SLC25A48: variants seen among roughly 807,000 people sequenced by gnomAD.
The protein encoded by SLC25A48 is CTC-321K16.1.
In SLC25A48, 29 loss-of-function variants were observed where a neutral mutation model predicts 32.2. The ratio of observed to expected loss-of-function variants is 0.90; its 90% CI spans 0.67 to 1.23. The LOEUF (loss-of-function observed/expected upper bound fraction) is 1.23, where lower values mean the gene tolerates loss of function less well. Ranked by LOEUF, SLC25A48 falls within the 50% of genes most tolerant of loss-of-function variation. SLC25A48 has a pLI of 0.00. For synonymous variants in SLC25A48, 164 were observed against 172.3 expected (o/e 0.95, Z 0.38); for missense variants, 399 against 422.7 (o/e 0.94, Z 0.49).
At chr5:135,605,343 G>A (rs527853310) in intron 1 of SLC25A48, among the ~76,000 whole-genome samples, 4 of 152,186 alleles carry the variant, frequency 2.6e-5, no homozygotes, top group African/African-American at 4.8e-5. Flanking sequence ...GGGAGGTCTC[G>A]TCTGGAAACA....
chr5:135,733,133 C>T (rs913272858), intron 3 of SLC25A48, among the ~76,000 whole-genome samples: 7 of 152,110 alleles, frequency 4.6e-5, no homozygotes, highest in South Asian at 2.1e-4. Context: ...GGCGAGGGCT[C>T]GAGTTAAGGC....
At chr5:135,685,073 C>A (rs1753986957) in intron 3 of SLC25A48, among the ~76,000 whole-genome samples, 1 of 152,098 alleles carries the variant, frequency 6.6e-6, no homozygotes, top group Non-Finnish European at 1.5e-5. Flanking sequence ...ATTATATTAT[C>A]AAAAATTTTA....
intron 3 of SLC25A48, among the ~76,000 whole-genome samples, chr5:135,800,149 G>A (rs1185713625): frequency 6.6e-6 from 1 of 151,644 alleles, no homozygotes; most frequent in Non-Finnish European, 1.5e-5. Flanking sequence ...TGTACAACCC[G>A]CCTGTGATAT....
intron 4 of SLC25A48, among the ~76,000 whole-genome samples, chr5:135,819,783 C>A (rs1272637224): frequency 1.3e-5 from 2 of 151,894 alleles, no homozygotes; most frequent in South Asian, 2.1e-4. Context: ...AAGATGTAAA[C>A]CCTTAAATGA....
chr5:135,707,304 C>G (rs890612910), intron 3 of SLC25A48, among the ~76,000 whole-genome samples: 2 of 152,188 alleles, frequency 1.3e-5, no homozygotes, highest in African/African-American at 4.8e-5. Flanking sequence ...CTTGTGCACT[C>G]TTGCTCCTGA....
chr5:135,755,440 A>T (rs894646799), intron 3 of SLC25A48, among the ~76,000 whole-genome samples: 1 of 151,974 alleles, frequency 6.6e-6, no homozygotes, highest in Non-Finnish European at 1.5e-5. Flanking sequence ...TCTAGTGTCA[A>T]TGCACTGTGG....
intron 3 of SLC25A48, among the ~76,000 whole-genome samples, chr5:135,702,638 C>T (rs901704473): frequency 6.6e-6 from 1 of 152,228 alleles, no homozygotes; most frequent in East Asian, 1.9e-4. Flanking sequence ...TTTATTCTTA[C>T]AGTCAGGAGA....
chr5:135,864,651 T>C (rs539381328), intron 4 of SLC25A48, among the ~76,000 whole-genome samples: 2 of 152,332 alleles, frequency 1.3e-5, no homozygotes, highest in Admixed American at 1.3e-4. Flanking sequence ...CATATGGCCA[T>C]GCAGTTCCAA....
intron 2 of SLC25A48, among the ~76,000 whole-genome samples, chr5:135,847,971 C>T (rs888905855): frequency 2.0e-5 from 3 of 152,146 alleles, no homozygotes; most frequent in East Asian, 1.9e-4. Flanking sequence ...AGTATCCGTG[C>T]CTTAGAGCAT....
chr5:135,674,197 C>T (rs181341145), intron 3 of SLC25A48, among the ~76,000 whole-genome samples: 11 of 151,970 alleles, frequency 7.2e-5, no homozygotes, highest in Middle Eastern at 3.4e-3. Flanking sequence ...TATTGTGTTA[C>T]GTGCACAGAC....
At chr5:135,789,439 G>A (rs1720524930) in intron 3 of SLC25A48, among the ~76,000 whole-genome samples, 1 of 151,312 alleles carries the variant, frequency 6.6e-6, no homozygotes, top group South Asian at 2.1e-4. Context: ...CTGCAATATG[G>A]TTTGTAATAT....
At chr5:135,794,296 G>T (rs969685187) in intron 3 of SLC25A48, among the ~76,000 whole-genome samples, 3 of 151,484 alleles carry the variant, frequency 2.0e-5, no homozygotes, top group Non-Finnish European at 4.4e-5. Flanking sequence ...TTGTGATATT[G>T]TTCCAAATAT....
intron 1 of SLC25A48, among the ~76,000 whole-genome samples, chr5:135,835,704 A>AAAAAAG (rs1758449267): frequency 2.0e-5 from 3 of 147,124 alleles, no homozygotes; most frequent in African/African-American, 7.5e-5. Flanking sequence ...AAAAAAAAAA[A>AAAAAAG]GTCTTTCTTT....
At chr5:135,836,320 A>G (rs2126680584) in intron 1 of SLC25A48, among the ~76,000 whole-genome samples, 2 of 150,340 alleles carry the variant, frequency 1.3e-5, no homozygotes, top group East Asian at 2.0e-4. Context: ...AGTAATGGCA[A>G]AAATCGCAAT....
At chr5:135,722,425 T>G (rs948711925) in intron 3 of SLC25A48, among the ~76,000 whole-genome samples, 1 of 152,206 alleles carries the variant, frequency 6.6e-6, no homozygotes, top group South Asian at 2.1e-4. Flanking sequence ...ATTTGTGTGT[T>G]TGTAGCAAAA....
intron 3 of SLC25A48, among the ~76,000 whole-genome samples, chr5:135,760,177 TG>T (rs1756028551): frequency 6.6e-6 from 1 of 152,200 alleles, no homozygotes; most frequent in Non-Finnish European, 1.5e-5. Flanking sequence ...ACGGACCTCT[TG>T]TTATACACTT....
intron 3 of SLC25A48, among the ~76,000 whole-genome samples, chr5:135,673,182 A>T (rs1209660847): frequency 6.6e-6 from 1 of 152,196 alleles, no homozygotes; most frequent in Admixed American, 6.5e-5. Flanking sequence ...TAAAGCTGTT[A>T]TGCACATTTA....
chr5:135,771,505 C>A lies in SLC25A48; in HGVS notation c.-520-41018C>A, dbSNP rs561990870. 1.3e-4 allele frequency among the ~76,000 whole-genome samples: 19 copies of A among 150,134 alleles called. No individual in the cohort carries two copies. In the East Asian group the frequency reaches 3.9e-3, roughly 31 times the overall value. On this transcript the variant is annotated intron_variant, in intron 3 of 10. Coordinates refer to the SLC25A48 transcript ENST00000646290. ...TCCCCTGTGATATGGTTCGTAATAT[C>A]CAGGAAGTGGGGAGACGGTGATATT...
intron 7 of SLC25A48, among the ~76,000 whole-genome samples, chr5:135,887,641 C>T (rs1404651670): frequency 2.0e-5 from 3 of 152,136 alleles, no homozygotes; most frequent in Non-Finnish European, 4.4e-5. Flanking sequence ...ACCTGGGCCC[C>T]GTGACACTTC....
Sources: allele counts gnomAD v4.1 joint callset (sites outside exome capture counted in the v4.1 genomes callset), GRCh38; gene constraint gnomAD v4.1.1; transcripts MANE v1.5; gene names NCBI Gene and HGNC (gene_info 2026-07-23, HGNC 2026-07-21).